The following PKD1L3 variants were observed in gnomAD, a reference collection of about 807,000 sequenced individuals.
The protein encoded by PKD1L3 is polycystin 1 like 3, transient receptor potential channel interacting.
A neutral mutation model predicts 184.1 loss-of-function variants in PKD1L3; 239 were observed. The observed-to-expected ratio is 1.30, with a 90% CI of 1.17 to 1.45. PKD1L3 has a LOEUF of 1.45. PKD1L3 is among the 40% of genes most tolerant of loss of function. PKD1L3 has a pLI of 0.00. For missense variants in PKD1L3, 2,660 were observed against 2,067.2 expected, an observed-to-expected ratio of 1.29 and a Z score of -5.56; for synonymous variants, 996 against 778.8, an observed-to-expected ratio of 1.28 and a Z score of -4.64.
Position 71,979,853 on chromosome 16 carries a change from C to G in PKD1L3, c.1331G>C (p.Arg444Thr). 2 of 1,529,016 alleles carry G rather than the reference C, an allele frequency of 1.3e-6. No homozygotes were observed. Among genetic ancestry groups the G allele is most frequent in the Non-Finnish European group, 8.8e-7 (1 of 1,141,922 alleles). The allele number at this position is 1,529,016 out of a possible 1,614,324, so 94.7% of individuals were successfully genotyped here. The stretch of plus-strand genomic sequence containing the variant: ...AGCTAAAGCCGACGGAAAGCCTAGC[C>G]TCACAGGGGCTGGGTGACCCAGAGT... Reference protein sequence around the residue: ...SYTLGHPAPVRLGFPSALALK... With the variant: ...SYTLGHPAPVTLGFPSALALK... Residue 444 changes from arginine (R) to threonine (T), a missense_variant, in exon 9 of 30, where the codon AGG (arginine) becomes ACG (threonine). By Grantham distance (71) the Arg-to-Thr change is moderately conservative. Coordinates refer to ENST00000620267, the MANE Select transcript of PKD1L3 (RefSeq NM_181536.2).
Position 71,936,981 on chromosome 16 carries a change from T to A in PKD1L3, c.4452+311A>T, listed in dbSNP as rs553191798. ...AAAGGACCAAAATTATAGCCATAAT[T>A]CTAGTAACATGTCATTGTAGAGCTT... On this transcript the variant is annotated intron_variant, in intron 25 of 29. Transcript: ENST00000620267. Among the ~76,000 whole-genome samples, 240 of 152,292 alleles carry A rather than the reference T, an allele frequency of 1.6e-3. 3 individuals are homozygous for A. The South Asian group carries it at 0.022, about 14-fold the overall frequency.
chr16:71,982,202 C>A lies in PKD1L3; in HGVS notation c.1000G>T (p.Glu334Ter). 6.5e-7 allele frequency: 1 copy of A among 1,545,510 alleles called. No homozygotes were observed. ...TGAAATGGGATCCTGAGTAACTCCTCACTCAGGTAAATAAGGGAATTGATG... is the reference window on the plus strand; with the variant it reads ...TGAAATGGGATCCTGAGTAACTCCTAACTCAGGTAAATAAGGGAATTGATG... ...NLINSLIYLS[E>*]ELLRIPFQNN... Residue 334 changes from glutamate (E) to a stop codon, truncating the protein, a stop_gained, in exon 7 of 30, where the codon GAG becomes TAG. Transcript: ENST00000620267. LOFTEE classifies it high-confidence loss of function.
chr16:71,929,775 A>C, intron 29 of PKD1L3, 97 bp from the exon 30 acceptor site: 2 of 1,185,912 alleles, frequency 1.7e-6, no homozygotes, highest in Non-Finnish European at 2.3e-6. Context: ...AAATTAGTAA[A>C]TGTAAAGATA....
At chr16:71,940,201 T>C (rs2038313831) in intron 24 of PKD1L3, among the ~76,000 whole-genome samples, 1 of 152,256 alleles carries the variant, frequency 6.6e-6, no homozygotes, top group South Asian at 2.1e-4. Flanking sequence ...TCTTGCCTTC[T>C]ACCACCCCAT....
chr16:71,944,146 C>A lies in PKD1L3; in HGVS notation c.3743G>T (p.Gly1248Val), dbSNP rs1007044936. ...GACGGGGTTGTTCTTATCTCTTGAA[C>A]CTGGTACTGACGAAGAACATTTTGC... ...LLAKCSSSVPGSRDKNNPVYV... is the reference protein window; with the variant it reads ...LLAKCSSSVPVSRDKNNPVYV... The change falls in exon 23 of 30, where the codon GGT becomes GTT. Residue 1248 changes from glycine (G) to valine (V), a missense_variant. Gly to Val is a moderately radical substitution (Grantham distance 109). Transcript: ENST00000620267. The A allele has an allele frequency of 6.4e-7, 1 of 1,550,624 alleles. No homozygotes were observed. The highest frequency in any genetic ancestry group is 8.7e-7 in the Non-Finnish European group (1 of 1,146,378).
chr16:71,997,013 T>A (rs1262350986), intron 2 of PKD1L3, among the ~76,000 whole-genome samples: 1 of 148,428 alleles, frequency 6.7e-6, no homozygotes, highest in African/African-American at 2.5e-5. Flanking sequence ...GACCTAAGAA[T>A]GAGACTGAGG....
At position 71,978,354 on chromosome 16, in the gene PKD1L3, C is replaced by T; in HGVS notation, c.1428G>A (p.Lys476=). The change falls in exon 10 of 30, where the codon AAG becomes AAA. Residue 476 remains lysine, a synonymous_variant. Transcript: ENST00000620267. The stretch of plus-strand genomic sequence containing the variant: ...CAACAATGTTTCTGTTGTCCAAATC[C>T]TTGAAGGGATTGAAAGCTAGTCCTG... ...QITGLAFNPF[K]DLDNRNIVGS... 6.5e-7 allele frequency: 1 copy of T among 1,550,290 alleles called. No homozygotes were observed. The highest frequency in any genetic ancestry group is 8.7e-7 in the Non-Finnish European group (1 of 1,146,224).
At chr16:71,993,583 T>A (rs2040674567) in intron 2 of PKD1L3, among the ~76,000 whole-genome samples, 2 of 152,326 alleles carry the variant, frequency 1.3e-5, no homozygotes, top group African/African-American at 4.8e-5. Context: ...TTATGCCTAG[T>A]GTTCCATTAT....
At chr16:71,952,125 G>A (rs916660893) in intron 18 of PKD1L3, among the ~76,000 whole-genome samples, 3 of 151,278 alleles carry the variant, frequency 2.0e-5, no homozygotes, top group African/African-American at 7.3e-5. Flanking sequence ...ACAGGTAACA[G>A]GACCCTGACA....
chr16:71,934,458 C>T (rs1338415327), intron 26 of PKD1L3, among the ~76,000 whole-genome samples: 1 of 152,174 alleles, frequency 6.6e-6, no homozygotes, highest in Non-Finnish European at 1.5e-5. Context: ...CAAATCTCTC[C>T]TCTCAAAAGG....
chr16:71,941,128 G>A (rs948433640), intron 24 of PKD1L3, among the ~76,000 whole-genome samples: 7 of 151,844 alleles, frequency 4.6e-5, no homozygotes, highest in Admixed American at 6.6e-5. Flanking sequence ...TTGAGACACC[G>A]CACCCAGCCT....
chr16:71,969,457 C>T (rs1263301963), intron 13 of PKD1L3, among the ~76,000 whole-genome samples: 2 of 150,240 alleles, frequency 1.3e-5, no homozygotes, highest in Non-Finnish European at 1.5e-5. Flanking sequence ...AAGCATGCAC[C>T]ACCATGCCAG....
intron 15 of PKD1L3, among the ~76,000 whole-genome samples, chr16:71,965,730 T>A (rs2039478859): frequency 6.6e-6 from 1 of 151,948 alleles, no homozygotes; most frequent in African/African-American, 2.4e-5. Context: ...ATTTTTGTAT[T>A]TTTAGTAGAG....
Position 71,951,964 on chromosome 16 carries a change from G to C in PKD1L3, c.3010-220C>G, listed in dbSNP as rs938875609. Among the ~76,000 whole-genome samples, 3 of 152,264 alleles carry C rather than the reference G, an allele frequency of 2.0e-5. No homozygotes were observed. The East Asian group carries it at 5.8e-4, about 29-fold the overall frequency. ...TATGAGACAATACAGAATGAAAAAAGAGACAATTTGATCAAACATCAAAGA... is the reference window on the plus strand; with the variant it reads ...TATGAGACAATACAGAATGAAAAAACAGACAATTTGATCAAACATCAAAGA... On this transcript the variant is annotated intron_variant, in intron 18 of 29. Transcript: ENST00000620267.
At chr16:71,933,338 G>C (rs1372208120) in intron 28 of PKD1L3, 82 bp downstream of exon 28, 4 of 985,326 alleles carry the variant, frequency 4.1e-6, no homozygotes, top group Admixed American at 4.0e-5. Flanking sequence ...GTGTACAGTA[G>C]GGGGCTGTTT....
intron 15 of PKD1L3, among the ~76,000 whole-genome samples, chr16:71,963,986 G>T (rs545209466): frequency 2.0e-5 from 3 of 151,982 alleles, no homozygotes; most frequent in Non-Finnish European, 4.4e-5. Context: ...CATCATCAGG[G>T]GGCATAAATG....
At position 71,943,028 on chromosome 16, in the gene PKD1L3, G is replaced by C. The variant is rs926749961; in HGVS notation, c.3860-4C>G. 1 of 1,532,590 alleles carries C rather than the reference G, an allele frequency of 6.5e-7. No individual in the cohort carries two copies. The highest frequency in any genetic ancestry group is 8.8e-7 in the Non-Finnish European group (1 of 1,133,446). 94.9% of individuals were successfully genotyped at this position (1,532,590 alleles called of 1,614,324 possible). A position where few individuals can be genotyped will look rare whatever the true frequency, so the allele number is the denominator to read the frequency against. Reference sequence around the variant, plus strand: ...AGGGTAAGGAAGAGGATTTGTACTTGTTTAGAAGAGGAAAAAAATGTCATA... The same window carrying C: ...AGGGTAAGGAAGAGGATTTGTACTTCTTTAGAAGAGGAAAAAAATGTCATA... On this transcript the variant is annotated splice_polypyrimidine_tract_variant and splice_region_variant and intron_variant, in intron 23 of 29. Coordinates refer to ENST00000620267, the MANE Select transcript of PKD1L3 (RefSeq NM_181536.2).
chr16:71,999,613 C>CTTTT, intron 1 of PKD1L3, 71 bp downstream of exon 1: 1 of 1,196,380 alleles, frequency 8.4e-7, no homozygotes, highest in Non-Finnish European at 1.1e-6. Context: ...TTAAGATTTT[C>CTTTT]TTTTTTTTTT....
At chr16:71,958,386 CAA>C (rs35815882) in intron 16 of PKD1L3, among the ~76,000 whole-genome samples, 7 of 105,490 alleles carry the variant, frequency 6.6e-5, no homozygotes, top group Admixed American at 2.1e-4. Flanking sequence ...GACTCCGTCT[CAA>C]AAAAAAAAAA....
Sources: gnomAD v4.1 joint callset for allele counts (sites outside exome capture counted in the v4.1 genomes callset) on GRCh38, gnomAD v4.1.1 for gene constraint, MANE v1.5 for transcripts, NCBI Gene and HGNC (gene_info 2026-07-23, HGNC 2026-07-21) for gene names.